The following COL6A5 variants were observed in gnomAD, a reference collection of about 807,000 sequenced individuals.
The protein encoded by COL6A5 is collagen type VI alpha 5 chain.
Under a neutral mutation model 65.6 loss-of-function variants are expected in COL6A5, and 48 were observed. The observed-to-expected ratio is 0.73, with a 90% CI of 0.58 to 0.93. The LOEUF (loss-of-function observed/expected upper bound fraction) is 0.93. COL6A5 is among the 40% of genes least tolerant of loss of function. The probability of loss-of-function intolerance (pLI) is 0.00; values close to 1 mark genes in which losing one functional copy is unlikely to be tolerated. For missense variants in COL6A5, 914 were observed against 928.3 expected (o/e 0.98, Z 0.20); for synonymous variants, 291 against 322.8 (o/e 0.90, Z 1.05).
At chr3:130,471,391 G>A (rs1709949621) in intron 7 of COL6A5, among the ~76,000 whole-genome samples, 1 of 152,048 alleles carries the variant, frequency 6.6e-6, no homozygotes, top group Non-Finnish European at 1.5e-5. Flanking sequence ...AAGATTGGCA[G>A]GAAGGATTCT....
chr3:130,450,751 C>T (rs573783231), intron 4 of COL6A5, among the ~76,000 whole-genome samples: 83 of 152,152 alleles, frequency 5.5e-4, no homozygotes, highest in Non-Finnish European at 1.0e-3. Context: ...CTTGTTTAAC[C>T]ATGGTAAAAG....
In COL6A5 at chr3:130,412,100, C is replaced by T. The variant is rs78219628; in HGVS notation, c.4663-1445C>T. On this transcript the variant is annotated intron_variant and NMD_transcript_variant, in intron 20 of 41. Coordinates refer to the COL6A5 transcript ENST00000312481. ...CCCGTTGTTCCCAAAACAATGGATC[C>T]ACACACTGAAAACCACACTGGAATC... Among the ~76,000 whole-genome samples, 1,161 of 152,084 alleles carry T rather than the reference C, an allele frequency of 7.6e-3. 7 individuals are homozygous for T. Among genetic ancestry groups the T allele is most frequent in the Non-Finnish European group, 0.013 (893 of 67,982 alleles).
At chr3:130,439,900 A>G (rs1709133332) in intron 2 of COL6A5, among the ~76,000 whole-genome samples, 1 of 152,148 alleles carries the variant, frequency 6.6e-6, no homozygotes, top group Admixed American at 6.6e-5. Context: ...ATATTTCCTA[A>G]ATGAGCTTGG....
chr3:130,400,318 C>T lies in COL6A5; in HGVS notation c.3992-713C>T, dbSNP rs77602671. On this transcript the variant is annotated intron_variant and NMD_transcript_variant, in intron 10 of 41. Coordinates refer to the COL6A5 transcript ENST00000312481. ...TCAGAGCAACTATCTGATTCTTGACCCTCTGTTCCATTAGACCATTAACTC... is the reference window on the plus strand; with the variant it reads ...TCAGAGCAACTATCTGATTCTTGACTCTCTGTTCCATTAGACCATTAACTC... 6.6e-5 allele frequency among the ~76,000 whole-genome samples: 10 copies of T among 152,214 alleles called. No homozygotes were observed. In the East Asian group the frequency reaches 7.7e-4, roughly 12 times the overall value.
intron 29 of COL6A5, among the ~76,000 whole-genome samples, chr3:130,424,861 T>C (rs1459328492): frequency 6.6e-6 from 1 of 152,112 alleles, no homozygotes; most frequent in African/African-American, 2.4e-5. Context: ...GGCTCTCATC[T>C]GGGGACACCC....
At chr3:130,483,996 A>G (rs2107631324) in intron 7 of COL6A5, 39 bp from the exon 41 acceptor site, 3 of 1,587,114 alleles carry the variant, frequency 1.9e-6, no homozygotes, top group East Asian at 4.5e-5. Flanking sequence ...GAACAAATAC[A>G]ATGACATTAA....
At chr3:130,397,287 G>C (rs1936635546) in intron 8 of COL6A5, among the ~76,000 whole-genome samples, 1 of 152,030 alleles carries the variant, frequency 6.6e-6, no homozygotes, top group South Asian at 2.1e-4. Flanking sequence ...ATTATGGTTT[G>C]AACTTCAAAT....
At chr3:130,471,617 T>G (rs924334991) in intron 7 of COL6A5, 65 bp from the exon 40 acceptor site, 2 of 1,408,350 alleles carry the variant, frequency 1.4e-6, no homozygotes, top group African/African-American at 1.4e-5. Context: ...TCTGGTGGTA[T>G]TCACATTTAA....
intron 1 of COL6A5, among the ~76,000 whole-genome samples, chr3:130,436,777 G>A (rs1709044938): frequency 6.6e-6 from 1 of 151,508 alleles, no homozygotes; most frequent in Non-Finnish European, 1.5e-5. Context: ...TTTCTGATTC[G>A]GCTTCATCAC....
At chr3:130,382,353 G>A (rs78869446) in intron 4 of COL6A5, among the ~76,000 whole-genome samples, 6,044 of 152,206 alleles carry the variant, frequency 0.04, 502 homozygotes, top group East Asian at 0.31. Context: ...AAACTCAGGG[G>A]CAGCTCACCT....
intron 4 of COL6A5, among the ~76,000 whole-genome samples, chr3:130,451,474 G>A (rs765700699): frequency 1.3e-5 from 2 of 152,086 alleles, no homozygotes; most frequent in African/African-American, 4.8e-5. Flanking sequence ...TAAAGTGACC[G>A]GTTGAGGAAC....
chr3:130,429,344 T>A (rs551979204), upstream of COL6A5, among the ~76,000 whole-genome samples: 1 of 152,300 alleles, frequency 6.6e-6, no homozygotes, highest in African/African-American at 2.4e-5. Flanking sequence ...TGCTAAAGTC[T>A]GCTGGCTGTG....
chr3:130,475,361 C>T (rs1270255611), intron 7 of COL6A5, among the ~76,000 whole-genome samples: 3 of 151,854 alleles, frequency 2.0e-5, no homozygotes, highest in African/African-American at 7.3e-5. Context: ...AATATTGAAG[C>T]AGCTAAGAAA....
At chr3:130,422,828 A>T (rs1464832459) in intron 28 of COL6A5, 46 bp downstream of exon 28, 7 of 1,225,466 alleles carry the variant, frequency 5.7e-6, no homozygotes, top group Non-Finnish European at 6.7e-6. Context: ...CCTTTGGCAG[A>T]CTTTGGCTTT....
chr3:130,390,230 C>T (rs893263675), intron 6 of COL6A5, among the ~76,000 whole-genome samples: 1 of 152,202 alleles, frequency 6.6e-6, no homozygotes, highest in East Asian at 1.9e-4. Context: ...GCCCTGTCTA[C>T]AGCATAACCT....
exon 6 of COL6A5, chr3:130,388,842 A>G (rs768465656): frequency 6.4e-7 from 1 of 1,551,412 alleles, no homozygotes; most frequent in South Asian, 1.2e-5. Context: ...CTTTAACTGG[A>G]AAGGCACTAA....
intron 1 of COL6A5, among the ~76,000 whole-genome samples, chr3:130,346,851 G>C (rs1451282345): frequency 6.6e-6 from 1 of 152,086 alleles, no homozygotes; most frequent in Admixed American, 6.5e-5. Context: ...TGTGAATTCT[G>C]AACAAAAATC....
intron 2 of COL6A5, 67 bp downstream of exon 34, chr3:130,439,682 G>A (rs1443829215): frequency 9.1e-7 from 1 of 1,103,444 alleles, no homozygotes; most frequent in East Asian, 2.6e-5. Flanking sequence ...GTTATTGAAT[G>A]TGGTTTTATC....
intron 7 of COL6A5, among the ~76,000 whole-genome samples, chr3:130,479,068 A>G (rs1203182312): frequency 6.6e-6 from 1 of 152,006 alleles, no homozygotes; most frequent in Non-Finnish European, 1.5e-5. Flanking sequence ...CCCCAAAGTT[A>G]GTATGTTGAT....
Sources: allele counts gnomAD v4.1 joint callset (sites outside exome capture counted in the v4.1 genomes callset), GRCh38; gene constraint gnomAD v4.1.1; transcripts MANE v1.5; gene names NCBI Gene and HGNC (gene_info 2026-07-23, HGNC 2026-07-21).